USP50: variants seen among roughly 807,000 people sequenced by gnomAD.
USP50 encodes ubiquitin specific peptidase 50, also known as ubiquitin carboxyl-terminal hydrolase 50.
USP50 carries 37 observed loss-of-function variants against 39.2 expected under a neutral mutation model. The observed-to-expected ratio is 0.94, with a 90% CI of 0.73 to 1.24. The LOEUF is 1.24. Among genes scored for constraint, USP50 ranks in the 50% most tolerant of loss-of-function variants. The probability of loss-of-function intolerance (pLI) is 0.00; values close to 1 mark genes in which losing one functional copy is unlikely to be tolerated. For synonymous variants in USP50, 139 were observed against 144.5 expected (o/e 0.96, Z 0.27); for missense variants, 374 against 398.2 (o/e 0.94, Z 0.52).
intron 6 of USP50, chr15:50,504,534 AC>A (rs891230689): frequency 6.6e-6 from 1 of 152,182 alleles, no homozygotes; most frequent in Non-Finnish European, 1.5e-5. Context: ...AAAAACAAAA[AC>A]AAAAAACACC....
At chr15:50,493,819 C>T (rs991803461), downstream of USP50, 19 of 628,436 alleles carry the variant, frequency 3.0e-5, no homozygotes, top group South Asian at 1.4e-4. Context: ...GGCAGAACCT[C>T]GCTGTCATGA....
chr15:50,505,452 G>A (rs1397617182), intron 6 of USP50: 3 of 152,156 alleles, frequency 2.0e-5, no homozygotes, highest in Admixed American at 2.0e-4. Flanking sequence ...GTGAATTAAA[G>A]ACTTCTCAAA....
At chr15:50,508,564 C>T (rs1374056353) in intron 6 of USP50, 1 of 151,874 alleles carries the variant, frequency 6.6e-6, no homozygotes, top group Non-Finnish European at 1.5e-5. Flanking sequence ...CAGTTTAAAA[C>T]ATTAAAACAT....
chr15:50,498,741 T>C (rs754443778), downstream of USP50: 3 of 1,587,590 alleles, frequency 1.9e-6, no homozygotes, highest in Non-Finnish European at 2.6e-6. Flanking sequence ...AAGTATCTCT[T>C]TGAACTGAAG....
At chr15:50,531,372 A>T (rs1170527044) in intron 5 of USP50, among the ~76,000 whole-genome samples, 1 of 152,224 alleles carries the variant, frequency 6.6e-6, no homozygotes, top group East Asian at 1.9e-4. Context: ...AAAAAGGAAT[A>T]GCACACAGCA....
intron 6 of USP50, chr15:50,506,090 T>A (rs965193529): frequency 6.6e-6 from 1 of 152,236 alleles, no homozygotes; most frequent in Non-Finnish European, 1.5e-5. Flanking sequence ...AGCTGTCGTT[T>A]TTTAGCATAA....
Position 50,525,580 on chromosome 15 carries a change from ATATATG to A in USP50, c.936+4211_936+4216del, listed in dbSNP as rs1192767693. ...TGTATATATGTATATATGTATATGT[ATATATG>A]TATATGTATATATGTATATGTATAT... On this transcript the variant is annotated intron_variant, in intron 6 of 6. Transcript: ENST00000532404. Among the ~76,000 whole-genome samples the A allele has an allele frequency of 4.2e-3, 480 of 114,748 alleles. 4 individuals carry two copies. The highest frequency in any genetic ancestry group is 0.013 in the African/African-American group (417 of 32,308). The allele number at this position is 114,748 out of a possible 152,430, so 75.3% of individuals were successfully genotyped here. A position where few individuals can be genotyped will look rare whatever the true frequency, so the allele number is the denominator to read the frequency against.
At chr15:50,496,340 G>C (rs972351944), downstream of USP50, among the ~76,000 whole-genome samples, 1 of 151,970 alleles carries the variant, frequency 6.6e-6, no homozygotes, top group African/African-American at 2.4e-5. Context: ...AATTAGCCGG[G>C]CGTGGTGGTG....
chr15:50,539,318 G>A (rs2053010326), intron 4 of USP50, among the ~76,000 whole-genome samples: 1 of 150,518 alleles, frequency 6.6e-6, no homozygotes, highest in African/African-American at 2.4e-5. Flanking sequence ...GCCTACCTTG[G>A]CCTCCCAAAG....
At chr15:50,533,042 C>T (rs2052953255) in intron 5 of USP50, among the ~76,000 whole-genome samples, 1 of 151,938 alleles carries the variant, frequency 6.6e-6, no homozygotes. Context: ...CGCAGTGGCT[C>T]ACGCCTGTAT....
At chr15:50,536,488 A>G (rs1398168351) in intron 5 of USP50, among the ~76,000 whole-genome samples, 1 of 152,052 alleles carries the variant, frequency 6.6e-6, no homozygotes, top group Non-Finnish European at 1.5e-5. Flanking sequence ...TGAAAATACA[A>G]AAACTAGTCG....
intron 6 of USP50, chr15:50,508,657 T>C (rs1015281401): frequency 6.6e-6 from 1 of 152,058 alleles, no homozygotes; most frequent in Admixed American, 6.6e-5. Flanking sequence ...AAAGATGTAA[T>C]ACAGAAGATT....
downstream of USP50, chr15:50,495,842 T>C: frequency 6.2e-7 from 1 of 1,602,750 alleles, no homozygotes; most frequent in Non-Finnish European, 8.5e-7. Flanking sequence ...ATCATTTTAT[T>C]TCCAGGCTGA....
rs1020781153 is a variant in USP50, at chr15:50,544,892, C to A, written c.54-111G>T. 6.0e-5 allele frequency: 61 copies of A among 1,024,774 alleles called. No homozygotes were observed. In the East Asian group the frequency reaches 1.4e-3, roughly 24 times the overall value. 63.5% of individuals were successfully genotyped at this position (1,024,774 alleles called of 1,614,324 possible). A position where few individuals can be genotyped will look rare whatever the true frequency, so the allele number is the denominator to read the frequency against. On this transcript the variant is annotated intron_variant, in intron 1 of 6. Transcript: ENST00000532404. ...TAAAGAAGAGTTCTTAATAAGACTT[C>A]CTCCAAACACATTCCCTACCAAGGA...
At chr15:50,521,864 T>C (rs573335886) in intron 6 of USP50, among the ~76,000 whole-genome samples, 12 of 152,178 alleles carry the variant, frequency 7.9e-5, no homozygotes, top group Non-Finnish European at 1.5e-4. Flanking sequence ...GTTGGGAGGC[T>C]AAGGCAGGAG....
intron 6 of USP50, 117 bp downstream of exon 6, chr15:50,529,680 A>G (rs534516792): frequency 2.4e-4 from 271 of 1,152,504 alleles, no homozygotes; most frequent in Middle Eastern, 4.3e-4. Context: ...TTCCTGGTCT[A>G]TATTTTTTAA....
chr15:50,517,032 T>C (rs574675993), intron 6 of USP50, among the ~76,000 whole-genome samples: 5 of 152,128 alleles, frequency 3.3e-5, no homozygotes, highest in Non-Finnish European at 5.9e-5. Flanking sequence ...TACAGAAACA[T>C]TGGACTTGAA....
At chr15:50,545,527 TATTAAG>T (rs1431614598) in intron 1 of USP50, among the ~76,000 whole-genome samples, 1 of 151,304 alleles carries the variant, frequency 6.6e-6, no homozygotes, top group East Asian at 1.9e-4. Context: ...TGTCTATATA[TATTAAG>T]ATTGTCTCTA....
intron 6 of USP50, chr15:50,509,907 A>T (rs1259105724): frequency 6.6e-6 from 1 of 152,150 alleles, no homozygotes; most frequent in Admixed American, 6.6e-5. Context: ...TCGAAATACT[A>T]CTGAAAAATA....
Sources: gnomAD v4.1 joint callset for allele counts (sites outside exome capture counted in the v4.1 genomes callset) on GRCh38, gnomAD v4.1.1 for gene constraint, MANE v1.5 for transcripts, NCBI Gene and HGNC (gene_info 2026-07-23, HGNC 2026-07-21) for gene names.